Variants in PPRC1 observed in about 807,000 individuals in gnomAD.
PPRC1 encodes the protein PPARG related coactivator 1.
PPRC1 carries 23 observed loss-of-function variants against 132.5 expected under a neutral mutation model. The observed-to-expected ratio is 0.17, with a 90% CI of 0.12 to 0.25. PPRC1 has a LOEUF of 0.25. PPRC1 is among the 10% of genes least tolerant of loss of function. The pLI, the probability that PPRC1 is intolerant of heterozygous loss-of-function variation, is 1.00. For synonymous variants in PPRC1, 872 were observed against 833.5 expected (o/e 1.05, Z -0.80); for missense variants, 2,006 against 2,089.1 (o/e 0.96, Z 0.78).
Position 102,147,051 on chromosome 10 carries a change from G to T in PPRC1, c.4059G>T (p.Pro1353=), listed in dbSNP as rs529047644. Residue 1353 remains proline, a synonymous_variant, in exon 9 of 14, where the codon CCG becomes CCT. Transcript: ENST00000278070. ...CATGCATAGCTGCCTCCCGGGAGCC[G>T]CTTGATCACAGGACTAGCAGTGAGC... The part of the protein sequence containing the change: ...PPPCIAASRE[P]LDHRTSSEQA... 3 of 1,613,918 alleles carry T rather than the reference G, an allele frequency of 1.9e-6. No homozygotes were observed. Among genetic ancestry groups the T allele is most frequent in the Admixed American group, 1.7e-5 (1 of 59,986 alleles).
At chr10:102,147,463 G>A in intron 9 of PPRC1, 71 bp downstream of exon 9, 1 of 1,484,662 alleles carries the variant, frequency 6.7e-7, no homozygotes, top group Non-Finnish European at 9.0e-7. Flanking sequence ...TACTTTGAAA[G>A]CTTTTACCCG....
chr10:102,147,240 C>G lies in PPRC1; in HGVS notation c.4248C>G (p.Ser1416Arg), dbSNP rs766047799. ...RKACRSASPS[S>R]QGWQGRRGRN... ...CCTGCAGGTCAGCCAGCCCCTCAAG[C>G]CAGGGCTGGCAGGGCCGCCGAGGCC... The change falls in exon 9 of 14, where the codon AGC becomes AGG. Residue 1416 changes from serine (S) to arginine (R), a missense_variant. Physicochemically the swap from Ser to Arg is moderately radical, Grantham distance 110. Coordinates refer to ENST00000278070, the MANE Select transcript of PPRC1 (RefSeq NM_015062.5). 6 of 1,613,102 alleles carry G rather than the reference C, an allele frequency of 3.7e-6. No individual in the cohort carries two copies. In the East Asian group the frequency reaches 1.3e-4, roughly 36 times the overall value.
upstream of PPRC1, among the ~76,000 whole-genome samples, chr10:102,131,322 C>T (rs1335689142): frequency 5.3e-5 from 8 of 151,536 alleles, no homozygotes; most frequent in East Asian, 3.9e-4. Flanking sequence ...TGATCTGCCA[C>T]GGCACTCTTG....
rs998057343 is a variant in PPRC1 at position 102,146,990 on chromosome 10, C to G, written c.3998C>G (p.Pro1333Arg). ...VKRHQDITIKPVLSLGPAAPP... is the reference protein window; with the variant it reads ...VKRHQDITIKRVLSLGPAAPP... ...CGCCATCAGGACATCACCATCAAAC[C>G]TGTCTTGTCCTTGGGCCCAGCTGCC... Residue 1333 changes from proline (P) to arginine (R), a missense_variant, in exon 9 of 14, where the codon CCT becomes CGT. Pro to Arg is a moderately radical substitution (Grantham distance 103). Around this residue, in one of 2 missense-constraint regions of PPRC1, gnomAD observed 1,914 missense variants for 1,917.2 expected, o/e 1.00. Coordinates refer to ENST00000278070, the MANE Select transcript of PPRC1 (RefSeq NM_015062.5). 6.2e-7 allele frequency: 1 copy of G among 1,614,152 alleles called. No homozygotes were observed. The highest frequency in any genetic ancestry group is 1.1e-5 in the South Asian group (1 of 91,084).
At chr10:102,122,396 A>C in the PPRC1 span, among the ~76,000 whole-genome samples, 1 of 151,812 alleles carries the variant, frequency 6.6e-6, no homozygotes, top group Non-Finnish European at 1.5e-5. Context: ...CAAACTAGAC[A>C]ATGTACACCC....
At chr10:102,136,759 G>C (rs2068738305) in intron 1 of PPRC1, among the ~76,000 whole-genome samples, 1 of 152,134 alleles carries the variant, frequency 6.6e-6, no homozygotes, top group African/African-American at 2.4e-5. Context: ...CTAGGATAAG[G>C]GGGGACTACT....
the PPRC1 span, among the ~76,000 whole-genome samples, chr10:102,120,904 T>G: frequency 2.6e-5 from 4 of 152,250 alleles, no homozygotes; most frequent in African/African-American, 9.6e-5. Flanking sequence ...CCCCTGTCCG[T>G]GCTCCCTGCT....
intron 2 of PPRC1, among the ~76,000 whole-genome samples, chr10:102,138,314 C>G (rs7092737): frequency 0.091 from 13,802 of 152,234 alleles, 865 homozygotes; most frequent in African/African-American, 0.18. Context: ...GGATTCTGAT[C>G]TCTGTTTTTC....
the PPRC1 span, among the ~76,000 whole-genome samples, chr10:102,122,188 C>G: frequency 6.6e-6 from 1 of 152,156 alleles, no homozygotes; most frequent in Non-Finnish European, 1.5e-5. Context: ...AGTGCACCCC[C>G]TCCCTGCATT....
At position 102,147,070 on chromosome 10, in the gene PPRC1, A is replaced by G. The variant is rs751059291; in HGVS notation, c.4078A>G (p.Ser1360Gly). 23 of 1,614,044 alleles carry G rather than the reference A, an allele frequency of 1.4e-5. No individual in the cohort carries two copies. Among genetic ancestry groups the G allele is most frequent in the Non-Finnish European group, 1.9e-5 (23 of 1,180,020 alleles). Residue 1360 changes from serine (S) to glycine (G), a missense_variant, in exon 9 of 14, where the codon AGT (serine) becomes GGT (glycine). Around this residue, in one of 2 missense-constraint regions of PPRC1, gnomAD observed 1,914 missense variants for 1,917.2 expected, o/e 1.00. Coordinates refer to ENST00000278070, the MANE Select transcript of PPRC1 (RefSeq NM_015062.5). ...SREPLDHRTS[S>G]EQADPSAPCL... ...GGAGCCGCTTGATCACAGGACTAGC[A>G]GTGAGCAGGCAGATCCCTCAGCACC...
rs769289073 is a variant in PPRC1 at position 102,141,002 on chromosome 10, G to C, written c.2494G>C (p.Glu832Gln). Residue 832 changes from glutamate to glutamine, a missense_variant, in exon 5 of 14, where the codon GAG becomes CAG. Glu to Gln is a conservative substitution (Grantham distance 29). Transcript: ENST00000278070. ...TCCCAGCCCTGCTTCTCCTAGTCCT[G>C]AGCCACCTGTAAGCAAACCTGTGGC... ...VGPSPASPSPEPPVSKPVASS... is the reference protein window; with the variant it reads ...VGPSPASPSPQPPVSKPVASS... 4 of 1,614,012 alleles carry C rather than the reference G, an allele frequency of 2.5e-6. No homozygotes were observed. Among genetic ancestry groups the C allele is most frequent in the South Asian group, 2.2e-5 (2 of 91,086 alleles).
rs769958270 is a variant in PPRC1, at chr10:102,137,869, C to T, written c.173C>T (p.Ala58Val). The T allele has an allele frequency of 1.3e-5, 21 of 1,613,602 alleles. No homozygotes were observed. The highest frequency in any genetic ancestry group is 5.5e-5 in the South Asian group (5 of 91,034). The change falls in exon 2 of 14, where the codon GCG becomes GTG. Residue 58 changes from alanine (A) to valine (V), a missense_variant. Physicochemically the swap from Ala to Val is moderately conservative, Grantham distance 64. This residue lies in a region of PPRC1 where 1,914 missense variants were observed against 1,917.2 expected (regional missense o/e 1.00). Transcript: ENST00000278070. ...GGEQVLLHEE[A>V]GDSGFVSLSR... ...CTCCAGGTGCTGCTGCATGAGGAGG[C>T]GGGTGATTCTGGCTTTGTCAGTCTC...
Position 102,147,083 on chromosome 10 carries a change from A to G in PPRC1, c.4091A>G (p.Asp1364Gly), listed in dbSNP as rs916845402. The stretch of plus-strand genomic sequence containing the variant: ...CACAGGACTAGCAGTGAGCAGGCAG[A>G]TCCCTCAGCACCCTGCCTTGCCCCA... ...LDHRTSSEQA[D>G]PSAPCLAPSS... Residue 1364 changes from aspartate (D) to glycine (G), a missense_variant, in exon 9 of 14, where the codon GAT (aspartate) becomes GGT (glycine). By Grantham distance (94) the Asp-to-Gly change is moderately conservative. Coordinates refer to ENST00000278070, the MANE Select transcript of PPRC1 (RefSeq NM_015062.5). 3 of 1,614,038 alleles carry G rather than the reference A, an allele frequency of 1.9e-6. No individual in the cohort carries two copies. The highest frequency in any genetic ancestry group is 2.5e-6 in the Non-Finnish European group (3 of 1,180,022).
the PPRC1 span, chr10:102,120,474 G>A: frequency 1.2e-6 from 1 of 834,480 alleles, no homozygotes; most frequent in Non-Finnish European, 1.4e-6. Flanking sequence ...CCCTCGCGCC[G>A]GCGCCGGCTC....
Position 102,139,598 on chromosome 10 carries a change from G to C in PPRC1, c.1090G>C (p.Val364Leu), listed in dbSNP as rs999530354. ...TGGCGATGACCTGGAGATCCCAGTT[G>C]TGGTGCGACAGGTCTCTCCTGGACC... ...TAGDDLEIPV[V>L]VRQVSPGPRP... The change falls in exon 5 of 14, where the codon GTG becomes CTG. Residue 364 changes from valine to leucine, a missense_variant. Physicochemically the swap from Val to Leu is conservative, Grantham distance 32. Coordinates refer to ENST00000278070, the MANE Select transcript of PPRC1 (RefSeq NM_015062.5). 1.9e-6 allele frequency: 3 copies of C among 1,613,876 alleles called. No homozygotes were observed. Among genetic ancestry groups the C allele is most frequent in the Non-Finnish European group, 2.5e-6 (3 of 1,179,994 alleles).
Position 102,145,216 on chromosome 10 carries a change from C to T in PPRC1, c.3679+126C>T, listed in dbSNP as rs1422990169. 3.2e-5 allele frequency: 29 copies of T among 898,076 alleles called. 1 individual carries two copies. The highest frequency in any genetic ancestry group is 4.7e-5 in the Non-Finnish European group (28 of 594,606). The allele number at this position is 898,076 out of a possible 1,614,324, so 55.6% of individuals were successfully genotyped here. On this transcript the variant is annotated intron_variant, in intron 8 of 13. Transcript: ENST00000278070. Reference sequence around the variant, plus strand: ...ATCTGATCTCCAGCCTTGAGATACTCACAGTCTAGGGGGCAGACTTGTAAA... The same window carrying T: ...ATCTGATCTCCAGCCTTGAGATACTTACAGTCTAGGGGGCAGACTTGTAAA...
rs1472403505 is a variant in PPRC1 at position 102,141,742 on chromosome 10, G to T, written c.3234G>T (p.Gln1078His). The stretch of plus-strand genomic sequence containing the variant: ...TGTCTGCCCTGGTGCAAAGTCCCCA[G>T]ATGAAGGCTCTAGCATGTGTGTCTG... ...HKVSALVQSPQMKALACVSAE... is the reference protein window; with the variant it reads ...HKVSALVQSPHMKALACVSAE... The change falls in exon 5 of 14, where the codon CAG (glutamine) becomes CAT (histidine). Residue 1078 changes from glutamine to histidine, a missense_variant. Coordinates refer to ENST00000278070, the MANE Select transcript of PPRC1 (RefSeq NM_015062.5). The T allele has an allele frequency of 6.2e-7, 1 of 1,613,990 alleles. No homozygotes were observed.
chr10:102,136,873 C>T (rs2068742663), intron 1 of PPRC1, among the ~76,000 whole-genome samples: 1 of 152,176 alleles, frequency 6.6e-6, no homozygotes, highest in African/African-American at 2.4e-5. Context: ...CTGCTTGATG[C>T]CTGACACGAG....
the PPRC1 span, among the ~76,000 whole-genome samples, chr10:102,126,304 T>A: frequency 6.6e-6 from 1 of 151,364 alleles, no homozygotes; most frequent in Non-Finnish European, 1.5e-5. Context: ...ATTGCACTAT[T>A]GTACTTTAGC....
Sources: allele counts gnomAD v4.1 joint callset (sites outside exome capture counted in the v4.1 genomes callset), GRCh38; gene constraint gnomAD v4.1.1; regional missense constraint gnomAD v4.1.1; transcripts MANE v1.5; gene names NCBI Gene and HGNC (gene_info 2026-07-23, HGNC 2026-07-21).